The following MARCHF11 variants were observed in gnomAD, a reference collection of about 807,000 sequenced individuals.
MARCHF11 encodes the protein membrane associated ring-CH-type finger 11.
Under a neutral mutation model 37.3 loss-of-function variants are expected in MARCHF11, and 29 were observed. The observed-to-expected ratio is 0.78, with a 90% CI of 0.58 to 1.06. MARCHF11 has a LOEUF of 1.06. Among genes scored for constraint, MARCHF11 ranks in the 50% least tolerant of loss-of-function variants. The pLI is 0.00. For synonymous variants in MARCHF11, 233 were observed against 228.0 expected (o/e 1.02, Z -0.20); for missense variants, 482 against 533.4 (o/e 0.90, Z 0.95).
At chr5:16,135,858 A>C (rs1310627976) in intron 2 of MARCHF11, among the ~76,000 whole-genome samples, 7 of 146,764 alleles carry the variant, frequency 4.8e-5, no homozygotes, top group Non-Finnish European at 1.5e-5. Context: ...GGAAGGCGGG[A>C]AGGGAGGAAG....
chr5:16,077,363 A>T (rs1367776712), intron 3 of MARCHF11, among the ~76,000 whole-genome samples: 4 of 152,202 alleles, frequency 2.6e-5, no homozygotes, highest in African/African-American at 9.6e-5. Flanking sequence ...CTCACAAAAA[A>T]AAACGATTTT....
chr5:16,146,995 A>C (rs1184039889), intron 2 of MARCHF11, among the ~76,000 whole-genome samples: 2 of 152,154 alleles, frequency 1.3e-5, no homozygotes, highest in African/African-American at 4.8e-5. Flanking sequence ...TGCTCAACTA[A>C]CTGCATTTCA....
rs747021686 is a variant in MARCHF11 at position 16,179,081 on chromosome 5, G to C, written c.495C>G (p.His165Gln). ...GDQRAGHQHQ[H>Q]HQPICKICFQ... The stretch of plus-strand genomic sequence containing the variant: ...AGCAGATCTTGCAGATGGGCTGGTG[G>C]TGCTGGTGCTGGTGCCCAGCGCGCT... Residue 165 changes from histidine to glutamine, a missense_variant, in exon 1 of 4, where the codon CAC (histidine) becomes CAG (glutamine). His to Gln is a conservative substitution (Grantham distance 24). Coordinates refer to ENST00000332432, the MANE Select transcript of MARCHF11 (RefSeq NM_001102562.3). 8.7e-4 allele frequency: 1,303 copies of C among 1,495,424 alleles called. 3 individuals are homozygous for C. Among genetic ancestry groups the C allele is most frequent in the Non-Finnish European group, 9.7e-4 (1,099 of 1,128,940 alleles). 92.6% of individuals were successfully genotyped at this position (1,495,424 alleles called of 1,614,324 possible).
rs1053106267 is a variant in MARCHF11, at chr5:16,179,363, C to T, written c.213G>A (p.Glu71=). The part of the protein sequence containing the change: ...RAAGPSEPLG[E]VAPRCRGADE... ...CCGCTCCCCTGCACCGCGGGGCCAC[C>T]TCCCCTAGCGGCTCGCTTGGCCCCG... Residue 71 remains glutamate (E), a synonymous_variant, in exon 1 of 4, where the codon GAG becomes GAA. Coordinates refer to ENST00000332432, the MANE Select transcript of MARCHF11 (RefSeq NM_001102562.3). 3 of 1,175,414 alleles carry T rather than the reference C, an allele frequency of 2.6e-6. No individual in the cohort carries two copies. Among genetic ancestry groups the T allele is most frequent in the Non-Finnish European group, 3.1e-6 (3 of 952,506 alleles). The allele number at this position is 1,175,414 out of a possible 1,614,324, so 72.8% of individuals were successfully genotyped here. A position where few individuals can be genotyped will look rare whatever the true frequency, so the allele number is the denominator to read the frequency against.
intron 2 of MARCHF11, among the ~76,000 whole-genome samples, chr5:16,143,818 C>G (rs866259572): frequency 6.6e-5 from 10 of 152,168 alleles, no homozygotes; most frequent in Non-Finnish European, 1.3e-4. Flanking sequence ...GGTTACACCC[C>G]CAGAGAGAGA....
intron 2 of MARCHF11, among the ~76,000 whole-genome samples, chr5:16,167,342 A>G (rs550264691): frequency 3.9e-5 from 6 of 152,268 alleles, no homozygotes; most frequent in African/African-American, 1.2e-4. Context: ...CAGATCTGAA[A>G]GCCTACCAGT....
In MARCHF11 at chr5:16,114,269, T is replaced by C. The variant is rs139626374; in HGVS notation, c.694-23188A>G. On this transcript the variant is annotated intron_variant, in intron 2 of 3. Transcript: ENST00000332432. ...ACAATCCTCCTTCTTAATTCTAATA[T>C]TTTATATCGAGAGTATTTTATTTTC... Among the ~76,000 whole-genome samples, 549 of 152,310 alleles carry C rather than the reference T, an allele frequency of 3.6e-3. 9 individuals are homozygous for C. The highest frequency in any genetic ancestry group is 0.013 in the African/African-American group (529 of 41,576).
intron 2 of MARCHF11, among the ~76,000 whole-genome samples, chr5:16,131,995 C>T (rs1426521073): frequency 6.6e-6 from 1 of 152,184 alleles, no homozygotes; most frequent in Non-Finnish European, 1.5e-5. Context: ...CCACTGACTG[C>T]AATCCATGAG....
At chr5:16,080,241 C>T (rs992074842) in intron 3 of MARCHF11, among the ~76,000 whole-genome samples, 6 of 152,264 alleles carry the variant, frequency 3.9e-5, no homozygotes, top group African/African-American at 1.4e-4. Flanking sequence ...TTGACTTCAC[C>T]TAACCCTTGA....
At chr5:16,124,864 T>G (rs941151224) in intron 2 of MARCHF11, among the ~76,000 whole-genome samples, 1 of 151,376 alleles carries the variant, frequency 6.6e-6, no homozygotes, top group African/African-American at 2.4e-5. Flanking sequence ...AGGGGCAAGA[T>G]TCATAATTAA....
intron 3 of MARCHF11, among the ~76,000 whole-genome samples, chr5:16,071,950 T>G (rs552413402): frequency 2.2e-4 from 34 of 151,686 alleles, no homozygotes; most frequent in African/African-American, 8.0e-4. Flanking sequence ...TTTTTGTGTG[T>G]TTTTTTGTTT....
At chr5:16,173,744 T>C (rs1347055659) in intron 2 of MARCHF11, among the ~76,000 whole-genome samples, 1 of 152,164 alleles carries the variant, frequency 6.6e-6, no homozygotes, top group African/African-American at 2.4e-5. Context: ...GAAGGTCCCA[T>C]CCCTTAGCTG....
intron 2 of MARCHF11, among the ~76,000 whole-genome samples, chr5:16,121,122 G>GCAT (rs1342608188): frequency 6.6e-6 from 1 of 152,274 alleles, no homozygotes; most frequent in African/African-American, 2.4e-5. Context: ...CCTGATAATA[G>GCAT]CATCCCTCAC....
intron 3 of MARCHF11, 31 bp from the exon 4 acceptor site, chr5:16,067,824 G>T: frequency 5.7e-6 from 9 of 1,569,486 alleles, no homozygotes; most frequent in Non-Finnish European, 7.8e-6. Flanking sequence ...AAACCAAAAA[G>T]ACTGGTGATA....
chr5:16,087,326 C>T (rs1736716181), intron 3 of MARCHF11, among the ~76,000 whole-genome samples: 1 of 152,212 alleles, frequency 6.6e-6, no homozygotes, highest in South Asian at 2.1e-4. Context: ...CTTTAACACC[C>T]TTCTCTTAAT....
intron 2 of MARCHF11, among the ~76,000 whole-genome samples, chr5:16,164,570 T>A (rs1468983581): frequency 1.3e-5 from 2 of 152,136 alleles, no homozygotes; most frequent in South Asian, 2.1e-4. Flanking sequence ...TTCAGTAGAT[T>A]ATAAAACATC....
intron 2 of MARCHF11, among the ~76,000 whole-genome samples, chr5:16,151,336 C>T (rs983425328): frequency 3.9e-5 from 6 of 152,056 alleles, no homozygotes; most frequent in African/African-American, 1.4e-4. Context: ...TCAATATCCT[C>T]ATGCATATGT....
intron 2 of MARCHF11, among the ~76,000 whole-genome samples, chr5:16,112,461 G>T (rs1348447111): frequency 6.6e-6 from 1 of 152,204 alleles, no homozygotes; most frequent in African/African-American, 2.4e-5. Flanking sequence ...CATGGGGTCT[G>T]TAGCCCCTTT....
chr5:16,114,997 T>A (rs1033573377), intron 2 of MARCHF11, among the ~76,000 whole-genome samples: 1 of 152,170 alleles, frequency 6.6e-6, no homozygotes. Context: ...AGCATTTAAC[T>A]GCACATCGTG....
Sources: gnomAD v4.1 joint callset for allele counts (sites outside exome capture counted in the v4.1 genomes callset) on GRCh38, gnomAD v4.1.1 for gene constraint, MANE v1.5 for transcripts, NCBI Gene and HGNC (gene_info 2026-07-23, HGNC 2026-07-21) for gene names.